SLC30A6: variants seen among roughly 807,000 people sequenced by gnomAD.
The protein encoded by SLC30A6 is solute carrier family 30 member 6.
Under a neutral mutation model 63.0 loss-of-function variants are expected in SLC30A6, and 55 were observed. The ratio of observed to expected loss-of-function variants is 0.87; its 90% CI spans 0.70 to 1.09. SLC30A6 has a LOEUF of 1.09. SLC30A6 is among the 50% of genes least tolerant of loss of function. SLC30A6 has a pLI of 0.00. For missense variants in SLC30A6, 587 were observed against 549.2 expected (o/e 1.07, Z -0.69); for synonymous variants, 224 against 186.1 (o/e 1.20, Z -1.66).
intron 13 of SLC30A6, among the ~76,000 whole-genome samples, chr2:32,218,597 C>T (rs1286977818): frequency 6.6e-6 from 1 of 151,782 alleles, no homozygotes; most frequent in African/African-American, 2.4e-5. Context: ...TGTTCTGTCT[C>T]CCAGGCTGGA....
At chr2:32,211,590 G>C (rs1283021244) in intron 13 of SLC30A6, among the ~76,000 whole-genome samples, 1 of 151,572 alleles carries the variant, frequency 6.6e-6, no homozygotes, top group Non-Finnish European at 1.5e-5. Flanking sequence ...AGTTATTTCA[G>C]GTATGCAGTG....
chr2:32,187,049 AT>A (rs1682896959), intron 5 of SLC30A6: 3 of 377,258 alleles, frequency 8.0e-6, no homozygotes, highest in Non-Finnish European at 1.6e-5. Context: ...GGGGGAAAAA[AT>A]GGGAGGACTT....
chr2:32,216,842 C>A (rs916214020), intron 13 of SLC30A6, among the ~76,000 whole-genome samples: 4 of 151,348 alleles, frequency 2.6e-5, no homozygotes, highest in Non-Finnish European at 4.4e-5. Flanking sequence ...TATTTTCTCC[C>A]ATTCTGTAGG....
intron 13 of SLC30A6, 39 bp from the exon 14 acceptor site, chr2:32,220,174 T>G: frequency 6.3e-7 from 1 of 1,576,120 alleles, no homozygotes; most frequent in Non-Finnish European, 8.6e-7. Context: ...GTTAGTATAA[T>G]TCTAAGCAAT....
rs1363568350 is a variant in SLC30A6, at chr2:32,211,612, C to CT, written c.885+2062dup. On this transcript the variant is annotated intron_variant, in intron 13 of 13. Transcript: ENST00000282587. ...TCAGGTATGCAGTGCACCCTTTCTTCTTTTTTTTTTTATTTTTATTTTTGA... is the reference window on the plus strand; with the variant it reads ...TCAGGTATGCAGTGCACCCTTTCTTCTTTTTTTTTTTTATTTTTATTTTTGA... Among the ~76,000 whole-genome samples, 925 of 146,246 alleles carry CT rather than the reference C, an allele frequency of 6.3e-3. 11 individuals are homozygous for CT. The highest frequency in any genetic ancestry group is 0.021 in the African/African-American group (828 of 40,042).
chr2:32,213,363 A>G (rs933414327), intron 13 of SLC30A6, among the ~76,000 whole-genome samples: 1 of 147,858 alleles, frequency 6.8e-6, no homozygotes, highest in Non-Finnish European at 1.5e-5. Flanking sequence ...CATAGGGCTC[A>G]GACTATTCCA....
At chr2:32,205,663 T>TC (rs1491203255) in intron 11 of SLC30A6, among the ~76,000 whole-genome samples, 4 of 14,518 alleles carry the variant, frequency 2.8e-4, no homozygotes, top group Non-Finnish European at 7.5e-4. Flanking sequence ...ATGTTACTTC[T>TC]TTTTTTTTTT....
In SLC30A6 at chr2:32,220,341, G is replaced by T. The variant is rs764651481; in HGVS notation, c.1014G>T (p.Arg338Ser). Residue 338 changes from arginine to serine, a missense_variant, in exon 14 of 14, where the codon AGG becomes AGT. By Grantham distance (110) the Arg-to-Ser change is moderately radical. Coordinates refer to ENST00000282587, the MANE Select transcript of SLC30A6 (RefSeq NM_017964.5). ...AAATTTTCAAGGATGACTGGATTAG[G>T]CCTGCCTTATTGTCTGGGCCTGTTG... is the stretch of plus-strand genomic sequence containing the variant. ...TVQIFKDDWI[R>S]PALLSGPVAA... 1.2e-6 allele frequency: 2 copies of T among 1,614,126 alleles called. No homozygotes were observed. The highest frequency in any genetic ancestry group is 2.7e-5 in the African/African-American group (2 of 75,014).
chr2:32,195,183 T>A (rs1195798470), intron 8 of SLC30A6, among the ~76,000 whole-genome samples: 1 of 138,444 alleles, frequency 7.2e-6, no homozygotes, highest in Non-Finnish European at 1.5e-5. Flanking sequence ...CACTGCAACC[T>A]CTGCCTCCTT....
chr2:32,189,699 C>T (rs1436165770), intron 5 of SLC30A6, among the ~76,000 whole-genome samples: 1 of 139,136 alleles, frequency 7.2e-6, no homozygotes, highest in Non-Finnish European at 1.5e-5. Context: ...GCCTTCAACA[C>T]CTGGGCTCAA....
chr2:32,208,092 A>T (rs1684938882), intron 12 of SLC30A6, among the ~76,000 whole-genome samples: 1 of 151,462 alleles, frequency 6.6e-6, no homozygotes. Context: ...TCGGCCTCCC[A>T]AAGTGCTGGG....
chr2:32,188,447 G>A (rs184880678), intron 5 of SLC30A6, among the ~76,000 whole-genome samples: 9 of 152,000 alleles, frequency 5.9e-5, no homozygotes, highest in African/African-American at 9.7e-5. Context: ...TAATCCCAGC[G>A]CTTTGGGAGG....
intron 4 of SLC30A6, among the ~76,000 whole-genome samples, chr2:32,175,846 G>T (rs1681691627): frequency 6.6e-6 from 1 of 152,084 alleles, no homozygotes; most frequent in South Asian, 2.1e-4. Flanking sequence ...GGTGGTGTAT[G>T]CCTGTAGTCC....
chr2:32,220,646 G>C lies in SLC30A6; in HGVS notation c.1319G>C (p.Arg440Thr). The C allele has an allele frequency of 6.2e-7, 1 of 1,613,954 alleles. No homozygotes were observed. The highest frequency in any genetic ancestry group is 2.2e-5 in the East Asian group (1 of 44,878). Residue 440 changes from arginine (R) to threonine (T), a missense_variant, in exon 14 of 14, where the codon AGG (arginine) becomes ACG (threonine). Arg to Thr is a moderately conservative substitution (Grantham distance 71). Transcript: ENST00000282587. The part of the protein sequence containing the change: ...VPGIGATQGL[R>T]TGFTNIPSRY... Reference sequence around the variant, plus strand: ...GGAATTGGAGCAACTCAAGGATTGAGGACTGGTTTTACAAATATACCAAGT... The same window carrying C: ...GGAATTGGAGCAACTCAAGGATTGACGACTGGTTTTACAAATATACCAAGT...
In SLC30A6 at chr2:32,165,953, T is replaced by C. The variant is rs1276349451; in HGVS notation, c.3+50T>C. 1.9e-6 allele frequency: 3 copies of C among 1,613,986 alleles called. No homozygotes were observed. The Admixed American group carries it at 5.0e-5, about 27-fold the overall frequency. ...TTTCGGCTGTAGCTGATTCGGTTTA[T>C]CTTATTTGGTCCCGAAGCGACCTTG... On this transcript the variant is annotated intron_variant, in intron 1 of 13. Coordinates refer to ENST00000282587, the MANE Select transcript of SLC30A6 (RefSeq NM_017964.5).
chr2:32,192,369 C>T lies in SLC30A6; in HGVS notation c.318C>T (p.Ala106=), dbSNP rs1198564676. 3 of 1,613,844 alleles carry T rather than the reference C, an allele frequency of 1.9e-6. No homozygotes were observed. The African/African-American group carries it at 4.0e-5, about 22-fold the overall frequency. The stretch of plus-strand genomic sequence containing the variant: ...GATTAGAAGTCCTGGCTGTATTTGC[C>T]TCCACAGTCTTGGCACAGTTGGGAG... ...FERLEVLAVF[A]STVLAQLGAL... Residue 106 remains alanine (A), a synonymous_variant, in exon 6 of 14, where the codon GCC becomes GCT. Coordinates refer to ENST00000282587, the MANE Select transcript of SLC30A6 (RefSeq NM_017964.5).
At chr2:32,203,984 A>G in intron 10 of SLC30A6, 1 of 733,404 alleles carries the variant, frequency 1.4e-6, no homozygotes, top group Non-Finnish European at 2.4e-6. Context: ...AGTGGGAGCC[A>G]CAAACGGAGT....
intron 12 of SLC30A6, among the ~76,000 whole-genome samples, chr2:32,207,743 C>G (rs1333548964): frequency 6.8e-6 from 1 of 147,432 alleles, no homozygotes; most frequent in Non-Finnish European, 1.5e-5. Context: ...CTCTGTCGCC[C>G]AGGCTGGAGT....
intron 1 of SLC30A6, among the ~76,000 whole-genome samples, chr2:32,170,687 C>T (rs1354497026): frequency 6.6e-6 from 1 of 152,180 alleles, no homozygotes; most frequent in Non-Finnish European, 1.5e-5. Flanking sequence ...CAAACTCCAC[C>T]TCCCAGGCTC....
Sources: allele counts gnomAD v4.1 joint callset (sites outside exome capture counted in the v4.1 genomes callset), GRCh38; gene constraint gnomAD v4.1.1; transcripts MANE v1.5; gene names NCBI Gene and HGNC (gene_info 2026-07-23, HGNC 2026-07-21).